ARSG: variants seen among roughly 807,000 people sequenced by gnomAD.
The protein encoded by ARSG is ASG.
Under a neutral mutation model 50.5 loss-of-function variants are expected in ARSG, and 37 were observed. That is an observed-to-expected ratio of 0.73 (90% CI 0.56 to 0.96). The LOEUF is 0.96. Ranked by LOEUF, ARSG falls within the 50% of genes least tolerant of loss-of-function variation. The pLI, the probability that ARSG is intolerant of heterozygous loss-of-function variation, is 0.00. For synonymous variants in ARSG, 225 were observed against 254.6 expected, an observed-to-expected ratio of 0.88 and a Z score of 1.11; for missense variants, 629 against 675.3, an observed-to-expected ratio of 0.93 and a Z score of 0.76.
At chr17:68,310,259 C>G (rs2076798906) in intron 2 of ARSG, among the ~76,000 whole-genome samples, 3 of 152,106 alleles carry the variant, frequency 2.0e-5, no homozygotes, top group Admixed American at 2.0e-4. Flanking sequence ...CACACCCAGC[C>G]CCAACATCCA....
chr17:68,282,415 A>G (rs1461646761), intron 1 of ARSG, among the ~76,000 whole-genome samples: 2 of 151,902 alleles, frequency 1.3e-5, no homozygotes, highest in African/African-American at 4.8e-5. Flanking sequence ...TGACGAGTTA[A>G]TGGGTGCAGC....
At chr17:68,398,290 T>C (rs1289070832) in intron 10 of ARSG, among the ~76,000 whole-genome samples, 4 of 152,338 alleles carry the variant, frequency 2.6e-5, no homozygotes, top group East Asian at 1.9e-4. Flanking sequence ...CATATATGTA[T>C]ACACATGCAT....
the ARSG span, among the ~76,000 whole-genome samples, chr17:68,432,573 T>C: frequency 6.6e-6 from 1 of 152,030 alleles, no homozygotes; most frequent in African/African-American, 2.4e-5. Context: ...CCGGCCTCTG[T>C]CATGTATGTG....
intron 9 of ARSG, among the ~76,000 whole-genome samples, chr17:68,389,957 G>A (rs1219313114): frequency 6.0e-5 from 9 of 150,800 alleles, no homozygotes; most frequent in African/African-American, 2.2e-4. Context: ...CACACCTTGG[G>A]GTCCAGCAGG....
chr17:68,348,706 C>T (rs1050715486), intron 4 of ARSG, among the ~76,000 whole-genome samples: 4 of 152,024 alleles, frequency 2.6e-5, no homozygotes, highest in Non-Finnish European at 2.9e-5. Flanking sequence ...TACAGGTGCC[C>T]GCCACCATGC....
intron 2 of ARSG, among the ~76,000 whole-genome samples, chr17:68,309,504 G>A (rs2076759528): frequency 6.6e-6 from 1 of 152,218 alleles, no homozygotes; most frequent in Non-Finnish European, 1.5e-5. Flanking sequence ...GTTCAAGGTT[G>A]CAGTGAGCTA....
downstream of ARSG, among the ~76,000 whole-genome samples, chr17:68,425,095 C>T (rs986042725): frequency 5.9e-5 from 9 of 152,318 alleles, no homozygotes; most frequent in East Asian, 1.9e-4. Context: ...CAGCCAGCCC[C>T]GAGGGCCCTA....
At chr17:68,327,943 T>C (rs899389687) in intron 2 of ARSG, among the ~76,000 whole-genome samples, 1 of 152,160 alleles carries the variant, frequency 6.6e-6, no homozygotes, top group Non-Finnish European at 1.5e-5. Flanking sequence ...ATCTGAAGGA[T>C]GCAGGAAGTG....
chr17:68,451,685 TG>T, the ARSG span, among the ~76,000 whole-genome samples: 5 of 152,232 alleles, frequency 3.3e-5, no homozygotes, highest in Admixed American at 3.3e-4. Flanking sequence ...GGTGCCAATA[TG>T]GGAGGGGACA....
At position 68,401,346 on chromosome 17, in the gene ARSG, C is replaced by A; in HGVS notation, c.1213-14C>A. The A allele has an allele frequency of 1.9e-6, 3 of 1,612,650 alleles. No homozygotes were observed. Among genetic ancestry groups the A allele is most frequent in the Non-Finnish European group, 2.5e-6 (3 of 1,178,888 alleles). Reference sequence around the variant, plus strand: ...CCAATTTTTCTATTAGTAAGCTCTGCCACCCTTTCTCAGGTGCTGTTCCAC... The same window carrying A: ...CCAATTTTTCTATTAGTAAGCTCTGACACCCTTTCTCAGGTGCTGTTCCAC... On this transcript the variant is annotated splice_polypyrimidine_tract_variant and intron_variant, in intron 10 of 11. Coordinates refer to ENST00000621439, the MANE Select transcript of ARSG (RefSeq NM_001267727.2).
chr17:68,417,923 G>C (rs1379028864), intron 11 of ARSG, among the ~76,000 whole-genome samples: 1 of 151,402 alleles, frequency 6.6e-6, no homozygotes, highest in African/African-American at 2.4e-5. Context: ...GTAGAGACGG[G>C]GTTTTACCAT....
chr17:68,419,840 C>T (rs1043527758), intron 11 of ARSG, among the ~76,000 whole-genome samples: 30 of 151,588 alleles, frequency 2.0e-4, no homozygotes, highest in Non-Finnish European at 5.9e-5. Flanking sequence ...TGCCTGTAGC[C>T]CCATCTACTT....
At chr17:68,281,307 G>C (rs963512483) in intron 1 of ARSG, among the ~76,000 whole-genome samples, 7 of 152,022 alleles carry the variant, frequency 4.6e-5, no homozygotes, top group Admixed American at 3.3e-4. Context: ...GGTGGCTCAC[G>C]CCTGTAATCC....
downstream of ARSG, chr17:68,427,462 T>G (rs932409127): frequency 1.4e-5 from 5 of 367,478 alleles, no homozygotes; most frequent in Non-Finnish European, 2.5e-5. Flanking sequence ...GTTCAAGCGA[T>G]TCTCCTGCCT....
intron 2 of ARSG, among the ~76,000 whole-genome samples, chr17:68,331,201 C>CTT (rs1369260395): frequency 4.4e-3 from 214 of 48,394 alleles, no homozygotes; most frequent in African/African-American, 0.018. Context: ...TTCTTTCTTT[C>CTT]TTTCTTTCTT....
chr17:68,357,575 A>G (rs1181380885), intron 6 of ARSG, among the ~76,000 whole-genome samples: 2 of 152,210 alleles, frequency 1.3e-5, no homozygotes, highest in African/African-American at 2.4e-5. Flanking sequence ...ATACCGTAAC[A>G]TTCACAGATT....
chr17:68,349,362 G>T (rs541502325), intron 4 of ARSG, among the ~76,000 whole-genome samples: 1 of 152,298 alleles, frequency 6.6e-6, no homozygotes, highest in Non-Finnish European at 1.5e-5. Context: ...GTCTGTGGGT[G>T]TGTTTGCGCT....
chr17:68,316,097 A>G (rs740452), intron 2 of ARSG, among the ~76,000 whole-genome samples: 28,550 of 152,082 alleles, frequency 0.19, 4,937 homozygotes, highest in African/African-American at 0.46. Flanking sequence ...CACATTGCAC[A>G]TGTTTCTGTT....
intron 2 of ARSG, 63 bp downstream of exon 2, chr17:68,307,774 A>G: frequency 1.1e-6 from 1 of 904,836 alleles, no homozygotes; most frequent in South Asian, 1.4e-5. Flanking sequence ...TTGAGAGGGG[A>G]AGGGGCCGTG....
Sources: allele counts gnomAD v4.1 joint callset (sites outside exome capture counted in the v4.1 genomes callset), GRCh38; gene constraint gnomAD v4.1.1; transcripts MANE v1.5; gene names NCBI Gene and HGNC (gene_info 2026-07-23, HGNC 2026-07-21).